The following PELI2 variants were observed in gnomAD, a reference collection of about 807,000 sequenced individuals.
PELI2 encodes pellino E3 ubiquitin protein ligase family member 2, also known as E3 ubiquitin-protein ligase pellino homolog 2.
PELI2 carries 23 observed loss-of-function variants against 42.3 expected under a neutral mutation model. That is an observed-to-expected ratio of 0.54 (90% confidence interval 0.39 to 0.77). The LOEUF (loss-of-function observed/expected upper bound fraction) is 0.77. Ranked by LOEUF, PELI2 falls within the 30% of genes least tolerant of loss-of-function variation. The pLI is 0.00. For missense variants in PELI2, 463 were observed against 553.2 expected, an observed-to-expected ratio of 0.84 and a Z score of 1.64; for synonymous variants, 245 against 212.2, an observed-to-expected ratio of 1.15 and a Z score of -1.34.
chr14:56,229,196 G>A (rs1236976531), intron 2 of PELI2, among the ~76,000 whole-genome samples: 1 of 152,238 alleles, frequency 6.6e-6, no homozygotes, highest in African/African-American at 2.4e-5. Flanking sequence ...GGCAGCAGAA[G>A]CTTTTGCAGA....
rs242402 is a variant in PELI2 at position 56,197,042 on chromosome 14, T to G, written c.207+18578T>G. ...TTTAGATTTTTCTTGCATTAGAATT[T>G]TTTGTTTATTTAATTAATATTAATT... On this transcript the variant is annotated intron_variant, in intron 2 of 5. Transcript: ENST00000267460. The surrounding 1 kb of genome is among the most constrained non-coding windows in gnomAD (Gnocchi z 4.9). Among the ~76,000 whole-genome samples the G allele has an allele frequency of 0.37, 30,155 of 81,660 alleles. 3,868 individuals carry two copies. Among genetic ancestry groups the G allele is most frequent in the East Asian group, 0.66 (2,754 of 4,154 alleles). 53.6% of individuals were successfully genotyped at this position (81,660 alleles called of 152,430 possible). A position where few individuals can be genotyped will look rare whatever the true frequency, so the allele number is the denominator to read the frequency against.
In PELI2 at chr14:56,201,297, T is replaced by G. The variant is rs554309594; in HGVS notation, c.207+22833T>G. ...TTAGGAGAAATGCAAAAGATATAGA[T>G]AAAGATAAGCTAGAACCAGTGACAG... On this transcript the variant is annotated intron_variant, in intron 2 of 5. Transcript: ENST00000267460. Among the ~76,000 whole-genome samples, 45 of 152,340 alleles carry G rather than the reference T, an allele frequency of 3.0e-4. No individual in the cohort carries two copies. The South Asian group carries it at 5.8e-3, about 20-fold the overall frequency.
chr14:56,142,035 C>CT (rs1427906459), intron 1 of PELI2, among the ~76,000 whole-genome samples: 2 of 152,120 alleles, frequency 1.3e-5, no homozygotes, highest in East Asian at 1.9e-4. Flanking sequence ...GCAGTGGTCT[C>CT]TAAGTTACTG....
At chr14:56,188,788 A>T (rs1381347685) in intron 2 of PELI2, among the ~76,000 whole-genome samples, 1 of 152,184 alleles carries the variant, frequency 6.6e-6, no homozygotes, top group Non-Finnish European at 1.5e-5. Flanking sequence ...GATTTTTTGA[A>T]TGTTTAGTTT....
rs1207705454 is a variant in PELI2, at chr14:56,197,207, G to C, written c.207+18743G>C. 6.6e-6 allele frequency among the ~76,000 whole-genome samples: 1 copy of C among 152,162 alleles called. No individual in the cohort carries two copies. The highest frequency in any genetic ancestry group is 6.5e-5 in the Admixed American group (1 of 15,288). ...ACAAATAAATATATAATATTCATTG[G>C]TGCTCAGCACTGTCAAGGAAACAAA... On this transcript the variant is annotated intron_variant, in intron 2 of 5. Coordinates refer to ENST00000267460, the MANE Select transcript of PELI2 (RefSeq NM_021255.3). This position sits in a 1 kb window ranked among gnomAD's most constrained non-coding sequence, Gnocchi z 4.9.
chr14:56,140,047 G>A (rs1250488519), intron 1 of PELI2, among the ~76,000 whole-genome samples: 2 of 150,170 alleles, frequency 1.3e-5, no homozygotes, highest in African/African-American at 4.9e-5. Flanking sequence ...TTCCTGCCTT[G>A]TTAACGTCTT....
chr14:56,290,291 C>A lies in PELI2; in HGVS notation c.531C>A (p.Asn177Lys). 1 of 1,597,486 alleles carries A rather than the reference C, an allele frequency of 6.3e-7. No individual in the cohort carries two copies. The highest frequency in any genetic ancestry group is 8.6e-7 in the Non-Finnish European group (1 of 1,168,638). Residue 177 changes from asparagine to lysine, a missense_variant, in exon 5 of 6, where the codon AAC (asparagine) becomes AAA (lysine). By Grantham distance (94) the Asn-to-Lys change is moderately conservative. Transcript: ENST00000267460. ...AGGAAAAGGCAGCAAAGTGGAAAAACCCCGACGGCCACATGGATGGGCTCA... is the reference window on the plus strand; with the variant it reads ...AGGAAAAGGCAGCAAAGTGGAAAAAACCCGACGGCCACATGGATGGGCTCA... ...FLGEKAAKWK[N>K]PDGHMDGLTT...
chr14:56,183,973 T>C (rs1885679799), intron 2 of PELI2, among the ~76,000 whole-genome samples: 1 of 152,162 alleles, frequency 6.6e-6, no homozygotes, highest in South Asian at 2.1e-4. Context: ...TGGTTATCTC[T>C]GGATGATGCA....
chr14:56,200,211 C>T (rs897080019), intron 2 of PELI2, among the ~76,000 whole-genome samples: 7 of 152,258 alleles, frequency 4.6e-5, no homozygotes, highest in African/African-American at 1.7e-4. Context: ...CCACCTTGCC[C>T]TAACAATAAT....
chr14:56,258,134 G>C (rs763558359), intron 2 of PELI2, among the ~76,000 whole-genome samples: 4 of 152,190 alleles, frequency 2.6e-5, no homozygotes, highest in Non-Finnish European at 5.9e-5. Context: ...CTGCAGAAGA[G>C]TGTCACCTTA....
At chr14:56,267,319 C>T (rs1477298330) in intron 2 of PELI2, among the ~76,000 whole-genome samples, 1 of 152,058 alleles carries the variant, frequency 6.6e-6, no homozygotes, top group African/African-American at 2.4e-5. Context: ...TGCAGCGAAA[C>T]CCTTCAAGGT....
intron 1 of PELI2, among the ~76,000 whole-genome samples, chr14:56,161,868 A>T (rs1455099869): frequency 1.3e-5 from 2 of 152,204 alleles, no homozygotes; most frequent in Non-Finnish European, 2.9e-5. Flanking sequence ...AAGCTGCTGC[A>T]GGTTATCTCT....
chr14:56,279,282 T>C (rs139983623), intron 2 of PELI2, among the ~76,000 whole-genome samples: 1 of 152,176 alleles, frequency 6.6e-6, no homozygotes, highest in Admixed American at 6.5e-5. Flanking sequence ...GGAAAAATAA[T>C]AATATGTGAC....
rs1239681170 is a variant in PELI2 at position 56,273,703 on chromosome 14, C to A, written c.208-5973C>A. Among the ~76,000 whole-genome samples the A allele has an allele frequency of 6.6e-6, 1 of 152,154 alleles. No individual in the cohort carries two copies. The highest frequency in any genetic ancestry group is 1.5e-5 in the Non-Finnish European group (1 of 68,032). Reference sequence around the variant, plus strand: ...TGTGAACAACAGTGGCAAGAGAGGGCTCAGGGGTGACATGAAGTTTTTAAG... The same window carrying A: ...TGTGAACAACAGTGGCAAGAGAGGGATCAGGGGTGACATGAAGTTTTTAAG... On this transcript the variant is annotated intron_variant, in intron 2 of 5. Coordinates refer to ENST00000267460, the MANE Select transcript of PELI2 (RefSeq NM_021255.3). The surrounding 1 kb of genome is among the most constrained non-coding windows in gnomAD (Gnocchi z 4.3).
chr14:56,137,782 A>G (rs1250978112), intron 1 of PELI2, among the ~76,000 whole-genome samples: 1 of 152,212 alleles, frequency 6.6e-6, no homozygotes, highest in African/African-American at 2.4e-5. Flanking sequence ...TGCTTTAGGG[A>G]GTCGAAAACA....
At chr14:56,251,764 A>G (rs1888353151) in intron 2 of PELI2, among the ~76,000 whole-genome samples, 2 of 152,224 alleles carry the variant, frequency 1.3e-5, no homozygotes, top group African/African-American at 4.8e-5. Context: ...CATTACATCT[A>G]AAATGTTAGC....
At chr14:56,139,572 T>G (rs1255067967) in intron 1 of PELI2, among the ~76,000 whole-genome samples, 2 of 152,190 alleles carry the variant, frequency 1.3e-5, no homozygotes, top group Non-Finnish European at 2.9e-5. Context: ...ATTAAAAAAT[T>G]TTAGATTTAC....
chr14:56,215,608 G>A (rs1237350994), intron 2 of PELI2, among the ~76,000 whole-genome samples: 1 of 152,200 alleles, frequency 6.6e-6, no homozygotes, highest in Non-Finnish European at 1.5e-5. Context: ...GTGTTCAACT[G>A]TAATACTATT....
At chr14:56,144,866 A>G in intron 1 of PELI2, 1 of 545,532 alleles carries the variant, frequency 1.8e-6, no homozygotes, top group Non-Finnish European at 2.3e-6. Context: ...GGGGCCTTGT[A>G]CAGGAATAAA....
Sources: gnomAD v4.1 joint callset for allele counts (sites outside exome capture counted in the v4.1 genomes callset) on GRCh38, gnomAD v4.1.1 for gene constraint, Gnocchi (gnomAD v3.1) non-coding constraint, MANE v1.5 for transcripts, NCBI Gene and HGNC (gene_info 2026-07-23, HGNC 2026-07-21) for gene names.